Variants in TTN observed in about 807,000 individuals in gnomAD.
TTN encodes connectin.
A neutral mutation model predicts 3,223.0 loss-of-function variants in TTN; 1,525 were observed. The observed-to-expected ratio is 0.47, with a 90% confidence interval of 0.45 to 0.49. The LOEUF (loss-of-function observed/expected upper bound fraction) is 0.49, where lower values mean the gene tolerates loss of function less well. Among genes scored for constraint, TTN ranks in the 20% least tolerant of loss-of-function variants. TTN has a pLI of 0.00. For missense variants in TTN, 40,786 were observed against 43,424.0 expected (o/e 0.94, Z 5.40); for synonymous variants, 14,094 against 15,161.0 (o/e 0.93, Z 5.17).
chr2:178,584,179 T>G (rs2048403859), intron 311 of TTN, 97 bp downstream of exon 311: 1 of 1,365,038 alleles, frequency 7.3e-7, no homozygotes, highest in Non-Finnish European at 9.9e-7. Flanking sequence ...TCTCTACTAC[T>G]CTCTGTGTCT....
At position 178,729,386 on chromosome 2, in the gene TTN, T is replaced by C. The variant is rs371299041; in HGVS notation, c.18770A>G (p.His6257Arg). The C allele has an allele frequency of 1.2e-5, 19 of 1,613,516 alleles. No homozygotes were observed. The highest frequency in any genetic ancestry group is 1.6e-4 in the Middle Eastern group (1 of 6,076). ...LTDRVSVFNL[H>R]ITKCDPSDTG... ...GTCTGAAGGGTCACACTTGGTTATATGGAGGTTAAACACAGACACTCTGTC... is the reference window on the plus strand; with the variant it reads ...GTCTGAAGGGTCACACTTGGTTATACGGAGGTTAAACACAGACACTCTGTC... The change falls in exon 64 of 363, where the codon CAT becomes CGT. Residue 6257 changes from histidine (H) to arginine (R), a missense_variant. His to Arg is a conservative substitution (Grantham distance 29, BLOSUM62 0). Transcript: ENST00000589042.
chr2:178,745,879 A>C (rs765796799), intron 47 of TTN: 1 of 1,612,380 alleles, frequency 6.2e-7, no homozygotes, highest in Admixed American at 1.7e-5. Flanking sequence ...CCACCACCTG[A>C]AATTCAAAAA....
At chr2:178,650,616 G>T (rs574608562) in intron 209 of TTN, 135 bp downstream of exon 209, 1 of 914,110 alleles carries the variant, frequency 1.1e-6, no homozygotes, top group Non-Finnish European at 1.6e-6. Flanking sequence ...AGCTAATTTA[G>T]AATGATGAAT....
Position 178,634,502 on chromosome 2 carries a change from C to A in TTN, c.42279G>T (p.Lys14093Asn), listed in dbSNP as rs2060181153. Residue 14093 changes from lysine (K) to asparagine (N), a missense_variant, in exon 230 of 363, where the codon AAG becomes AAT. Coordinates refer to ENST00000589042, the MANE Select transcript of TTN (RefSeq NM_001267550.2). The surrounding 1 kb of genome is among the most constrained non-coding windows in gnomAD (Gnocchi z 4.6). The stretch of plus-strand genomic sequence containing the variant: ...CGATGATATCAAATTTGTCAGATGA[C>A]TTAATTATATCAGGTCCTTTGGACC... ...VIWSKGPDII[K>N]SSDKFDIIAD... 2 of 1,613,110 alleles carry A rather than the reference C, an allele frequency of 1.2e-6. No homozygotes were observed. Among genetic ancestry groups the A allele is most frequent in the Non-Finnish European group, 1.7e-6 (2 of 1,179,514 alleles).
In TTN at chr2:178,593,243, A is replaced by G; in HGVS notation, c.58965T>C (p.Ser19655=). The change falls in exon 299 of 363, where the codon TCT becomes TCC. Residue 19655 remains serine (S), a synonymous_variant. Coordinates refer to ENST00000589042, the MANE Select transcript of TTN (RefSeq NM_001267550.2). ...CTCCAATACCAATTTCATTTTCTGCAGAAACCCGGAATTCATACTGACATC... is the reference window on the plus strand; with the variant it reads ...CTCCAATACCAATTTCATTTTCTGCGGAAACCCGGAATTCATACTGACATC... ...LEGCQYEFRV[S]AENEIGIGDP... is the part of the protein sequence containing the mutation. The G allele has an allele frequency of 6.2e-7, 1 of 1,613,482 alleles. No homozygotes were observed. Among genetic ancestry groups the G allele is most frequent in the South Asian group, 1.1e-5 (1 of 91,062 alleles).
chr2:178,533,347 A>C lies in TTN; in HGVS notation c.103268T>G (p.Ile34423Ser), dbSNP rs756074712. The C allele has an allele frequency of 9.3e-6, 15 of 1,613,568 alleles. No individual in the cohort carries two copies. In the South Asian group the frequency reaches 1.6e-4, roughly 18 times the overall value. ...HEGLDYYALH[I>S]RDTLPEDTGY... ...CGTGTCTTCAGGCAAAGTGTCCCTG[A>C]TGTGCAGAGCATAATAATCCAAGCC... Residue 34423 changes from isoleucine (I) to serine (S), a missense_variant, in exon 358 of 363, where the codon ATC becomes AGC. Coordinates refer to ENST00000589042, the MANE Select transcript of TTN (RefSeq NM_001267550.2).
At position 178,751,291 on chromosome 2, in the gene TTN, T is replaced by C. The variant is rs773177189; in HGVS notation, c.11311+1833A>G. On this transcript the variant is annotated intron_variant, in intron 47 of 362. Coordinates refer to ENST00000589042, the MANE Select transcript of TTN (RefSeq NM_001267550.2). ...ATGTTTTTCTAGCCTCCCTTAAACG[T>C]TGCAACTTCACTTTGGTCTCCTTGT... is the stretch of plus-strand genomic sequence containing the variant. 5 of 1,611,390 alleles carry C rather than the reference T, an allele frequency of 3.1e-6. No individual in the cohort carries two copies. In the South Asian group the frequency reaches 3.3e-5, roughly 11 times the overall value.
rs1553897341 is a variant in TTN at position 178,715,092 on chromosome 2, G to T, written c.26094C>A (p.Thr8698=). 1 of 1,613,682 alleles carries T rather than the reference G, an allele frequency of 6.2e-7. No individual in the cohort carries two copies. The highest frequency in any genetic ancestry group is 1.7e-5 in the Admixed American group (1 of 60,004). Residue 8698 remains threonine, a synonymous_variant, in exon 90 of 363, where the codon ACC becomes ACA. Transcript: ENST00000589042. Reference sequence around the variant, plus strand: ...CATCGACATTCAGGATGTGGATACTGGTTAGGAAGTTCTCAGACATTATCT... The same window carrying T: ...CATCGACATTCAGGATGTGGATACTTGTTAGGAAGTTCTCAGACATTATCT... ...KYKIMSENFL[T]SIHILNVDAA... is the part of the protein sequence containing the mutation.
chr2:178,626,913 A>G (rs2059134735), intron 240 of TTN, among the ~76,000 whole-genome samples: 1 of 151,892 alleles, frequency 6.6e-6, no homozygotes, highest in Admixed American at 6.6e-5. Context: ...CTCAGAATGC[A>G]GTATGTCTCA....
chr2:178,635,191 TCA>T lies in TTN; in HGVS notation c.41996_41997del (p.Leu13999GlnfsTer12). ...GGTGAGGGCCTTAGAAGTTCTCCTT[TCA>T]GTTTCCATTGTCCAGGAATGTCTGC... ...SEADIPGQWK[L>X]KGELLRPSPT... On this transcript the variant is annotated frameshift_variant, in exon 228 of 363. Coordinates refer to ENST00000589042, the MANE Select transcript of TTN (RefSeq NM_001267550.2). LOFTEE classifies it high-confidence loss of function. The T allele has an allele frequency of 6.2e-7, 1 of 1,613,018 alleles. No individual in the cohort carries two copies. The highest frequency in any genetic ancestry group is 8.5e-7 in the Non-Finnish European group (1 of 1,179,426).
intron 209 of TTN, 47 bp from the exon 210 acceptor site, chr2:178,650,318 C>G (rs943377172): frequency 4.8e-6 from 7 of 1,458,430 alleles, no homozygotes; most frequent in Non-Finnish European, 1.9e-6. Flanking sequence ...GAACAATATT[C>G]TAAGATGGAC....
chr2:178,757,690 A>C lies in TTN; in HGVS notation c.10530T>G (p.Asp3510Glu). The C allele has an allele frequency of 6.2e-7, 1 of 1,613,798 alleles. No individual in the cohort carries two copies. Among genetic ancestry groups the C allele is most frequent in the Non-Finnish European group, 8.5e-7 (1 of 1,179,790 alleles). Residue 3510 changes from aspartate to glutamate, a missense_variant, in exon 45 of 363, where the codon GAT (aspartate) becomes GAG (glutamate). By Grantham distance (45) the Asp-to-Glu change is conservative. Coordinates refer to ENST00000589042, the MANE Select transcript of TTN (RefSeq NM_001267550.2). ...TGGACTCCTCAAAATGGAAAACTACATCTTTTGTTGGTAGAATTAGCTGCT... is the reference window on the plus strand; with the variant it reads ...TGGACTCCTCAAAATGGAAAACTACCTCTTTTGTTGGTAGAATTAGCTGCT... ...HNQQLILPTKDVVFHFEESTG... is the reference protein window; with the variant it reads ...HNQQLILPTKEVVFHFEESTG...
In TTN at chr2:178,681,539, A is replaced by G. The variant is rs1283794301; in HGVS notation, c.33173-89T>C. 6.8e-6 allele frequency: 10 copies of G among 1,460,860 alleles called. No homozygotes were observed. The East Asian group carries it at 1.8e-4, about 27-fold the overall frequency. 90.5% of individuals were successfully genotyped at this position (1,460,860 alleles called of 1,614,324 possible). ...CAAAAAGTTAAGAAAGACAAATACA[A>G]CATAATATTCCCAAACACACACATA... is the stretch of plus-strand genomic sequence containing the variant. On this transcript the variant is annotated intron_variant, in intron 136 of 362. Transcript: ENST00000589042.
At position 178,553,526 on chromosome 2, in the gene TTN, G is replaced by T. The variant is rs201620815; in HGVS notation, c.89479C>A (p.Pro29827Thr). Residue 29827 changes from proline (P) to threonine (T), a missense_variant, in exon 334 of 363, where the codon CCT (proline) becomes ACT (threonine). Physicochemically the swap from Pro to Thr is conservative, Grantham distance 38. Coordinates refer to ENST00000589042, the MANE Select transcript of TTN (RefSeq NM_001267550.2). ...GQGEPIEMNEPVQAKDILEAP... is the reference protein window; with the variant it reads ...GQGEPIEMNETVQAKDILEAP... ...CCAAGTATATCTTTAGCTTGTACAG[G>T]TTCATTCATTTCTATAGGTTCTCCT... 150 of 1,613,174 alleles carry T rather than the reference G, an allele frequency of 9.3e-5. No homozygotes were observed. The South Asian group carries it at 1.4e-3, about 15-fold the overall frequency.
chr2:178,557,842 G>C lies in TTN; in HGVS notation c.87512C>G (p.Thr29171Ser). 1 of 1,613,894 alleles carries C rather than the reference G, an allele frequency of 6.2e-7. No individual in the cohort carries two copies. The highest frequency in any genetic ancestry group is 8.5e-7 in the Non-Finnish European group (1 of 1,179,842). The change falls in exon 328 of 363, where the codon ACC becomes AGC. Residue 29171 changes from threonine (T) to serine (S), a missense_variant. Transcript: ENST00000589042. ...TTCTCTTTTGAGTAGAATGTAGTTG[G>C]TAACTTGACTTCCACCGTCATACTT... is the stretch of plus-strand genomic sequence containing the variant. ...PPKYDGGSQV[T>S]NYILLKRETS...
rs938452034 is a variant in TTN at position 178,532,112 on chromosome 2, T to C, written c.104503A>G (p.Arg34835Gly). 1.9e-6 allele frequency: 3 copies of C among 1,614,028 alleles called. No individual in the cohort carries two copies. Among genetic ancestry groups the C allele is most frequent in the Non-Finnish European group, 2.5e-6 (3 of 1,179,878 alleles). The change falls in exon 358 of 363, where the codon AGA becomes GGA. Residue 34835 changes from arginine to glycine, a missense_variant. Physicochemically the swap from Arg to Gly is moderately radical, Grantham distance 125. Coordinates refer to ENST00000589042, the MANE Select transcript of TTN (RefSeq NM_001267550.2). ...AQRESSSSASRLLRRRRSLSP... is the reference protein window; with the variant it reads ...AQRESSSSASGLLRRRRSLSP... ...AGGGAGCGCCGTCGTCTCAGTAGTC[T>C]AGACGCAGATGAGGATGATTCTCTT...
In TTN at chr2:178,723,174, A is replaced by T. The variant is rs766571996; in HGVS notation, c.21833T>A (p.Ile7278Lys). Reference protein sequence around the residue: ...FNITTSEKCNIVTTEKTCILE... With the variant: ...FNITTSEKCNKVTTEKTCILE... ...GATACAAGTTTTCTCTGTTGTGACT[A>T]TGTTACATTTTTCAGAGGTAGTTAT... Residue 7278 changes from isoleucine to lysine, a missense_variant, in exon 75 of 363, where the codon ATA becomes AAA. Coordinates refer to ENST00000589042, the MANE Select transcript of TTN (RefSeq NM_001267550.2). The T allele has an allele frequency of 1.7e-5, 27 of 1,613,360 alleles. No homozygotes were observed. Among genetic ancestry groups the T allele is most frequent in the Non-Finnish European group, 2.3e-5 (27 of 1,179,640 alleles).
intron 217 of TTN, chr2:178,645,232 G>A (rs886319616): frequency 2.6e-5 from 4 of 151,998 alleles, no homozygotes; most frequent in African/African-American, 9.7e-5. Context: ...GTAACATTGT[G>A]TCAATTCATA....
Position 178,783,074 on chromosome 2 carries a change from G to C in TTN, c.2842-10C>G. 6.2e-7 allele frequency: 1 copy of C among 1,613,656 alleles called. No individual in the cohort carries two copies. Among genetic ancestry groups the C allele is most frequent in the Non-Finnish European group, 8.5e-7 (1 of 1,179,712 alleles). ...TCACATTTTTTAAGCCCTGAAGAGA[G>C]GAGAAAAAATAAATAATGATACGTG... is the stretch of plus-strand genomic sequence containing the variant. On this transcript the variant is annotated splice_polypyrimidine_tract_variant and intron_variant, in intron 17 of 362. Coordinates refer to ENST00000589042, the MANE Select transcript of TTN (RefSeq NM_001267550.2).
Sources: allele counts gnomAD v4.1 joint callset (sites outside exome capture counted in the v4.1 genomes callset), GRCh38; gene constraint gnomAD v4.1.1; non-coding constraint Gnocchi (gnomAD v3.1); transcripts MANE v1.5; gene names NCBI Gene and HGNC (gene_info 2026-07-23, HGNC 2026-07-21).